Variants in ELSPBP1 observed in about 807,000 individuals in gnomAD.
ELSPBP1 encodes the protein epididymal sperm binding protein 1, also known as epididymal sperm-binding protein 1.
In ELSPBP1, 38 loss-of-function variants were observed where a neutral mutation model predicts 33.3. The ratio of observed to expected loss-of-function variants is 1.14; its 90% CI spans 0.88 to 1.50. The LOEUF (loss-of-function observed/expected upper bound fraction) is 1.50. ELSPBP1 is among the 40% of genes most tolerant of loss of function. The pLI, the probability that ELSPBP1 is intolerant of heterozygous loss-of-function variation, is 0.00. For missense variants in ELSPBP1, 267 were observed against 263.5 expected, an observed-to-expected ratio of 1.01 and a Z score of -0.09; for synonymous variants, 85 against 94.1, an observed-to-expected ratio of 0.90 and a Z score of 0.56.
rs117402224 is a variant in ELSPBP1, at chr19:48,023,529, G to A, written c.*7+1195G>A. 3.0e-4 allele frequency among the ~76,000 whole-genome samples: 32 copies of A among 106,890 alleles called. 1 individual carries two copies. The highest frequency in any genetic ancestry group is 6.4e-4 in the African/African-American group (19 of 29,684). The allele number at this position is 106,890 out of a possible 152,430, so 70.1% of individuals were successfully genotyped here. A position where few individuals can be genotyped will look rare whatever the true frequency, so the allele number is the denominator to read the frequency against. On this transcript the variant is annotated intron_variant, in intron 6 of 6. Transcript: ENST00000339841. Reference sequence around the variant, plus strand: ...AGAGGAAGGAAATAAGGAAGGAAGGGAGGAAGGAAAGAAGGAAGAAAAGGG... The same window carrying A: ...AGAGGAAGGAAATAAGGAAGGAAGGAAGGAAGGAAAGAAGGAAGAAAAGGG...
chr19:48,007,918 G>A (rs532687543), intron 1 of ELSPBP1, among the ~76,000 whole-genome samples: 1 of 152,274 alleles, frequency 6.6e-6, no homozygotes, highest in African/African-American at 2.4e-5. Flanking sequence ...TGAACATCGA[G>A]CCTGGAGTAC....
At chr19:47,998,612 C>T (rs1966935261) in intron 1 of ELSPBP1, among the ~76,000 whole-genome samples, 1 of 151,808 alleles carries the variant, frequency 6.6e-6, no homozygotes, top group Admixed American at 6.6e-5. Context: ...CAGTGAAACC[C>T]CGTCTTTACT....
In ELSPBP1 at chr19:47,995,964, G is replaced by A. The variant is rs533357600; in HGVS notation, c.-18+1153G>A. Among the ~76,000 whole-genome samples, 40 of 152,264 alleles carry A rather than the reference G, an allele frequency of 2.6e-4. No homozygotes were observed. The South Asian group carries it at 8.3e-3, about 32-fold the overall frequency. ...GGCTGTGGGCTAAGCTGCCTCTTGG[G>A]CACCCTATCAGGGCCTTAATACTAC... On this transcript the variant is annotated intron_variant, in intron 1 of 6. Transcript: ENST00000339841.
At chr19:48,005,516 G>A (rs1465664204) in intron 1 of ELSPBP1, among the ~76,000 whole-genome samples, 1 of 152,128 alleles carries the variant, frequency 6.6e-6, no homozygotes, top group Non-Finnish European at 1.5e-5. Flanking sequence ...AGTAACATGG[G>A]GGAAGGATAG....
At chr19:48,007,992 G>A (rs1410854427) in intron 1 of ELSPBP1, among the ~76,000 whole-genome samples, 1 of 152,142 alleles carries the variant, frequency 6.6e-6, no homozygotes, top group Admixed American at 6.5e-5. Context: ...GACAGTACAT[G>A]ACAGTAGAGT....
chr19:48,015,681 G>A (rs1309678418), intron 3 of ELSPBP1, among the ~76,000 whole-genome samples: 1 of 152,056 alleles, frequency 6.6e-6, no homozygotes, highest in Non-Finnish European at 1.5e-5. Context: ...GAAAAGAAAA[G>A]AAACTCACAT....
chr19:48,001,377 T>A (rs1297059213), intron 1 of ELSPBP1, among the ~76,000 whole-genome samples: 2 of 151,218 alleles, frequency 1.3e-5, no homozygotes, highest in Non-Finnish European at 2.9e-5. Flanking sequence ...GAGACGTGGT[T>A]TCACCATGTT....
At chr19:48,008,437 G>A (rs955325821) in intron 1 of ELSPBP1, among the ~76,000 whole-genome samples, 1 of 152,126 alleles carries the variant, frequency 6.6e-6, no homozygotes, top group African/African-American at 2.4e-5. Context: ...GTCTCACTAT[G>A]TTGTCCAGGC....
chr19:48,023,490 G>T (rs144499538), intron 6 of ELSPBP1, among the ~76,000 whole-genome samples: 2 of 89,932 alleles, frequency 2.2e-5, no homozygotes, highest in African/African-American at 3.9e-5. Context: ...AGGGAAGGGA[G>T]GGAGGGAAGG....
chr19:48,014,433 GA>G, intron 3 of ELSPBP1, 125 bp downstream of exon 3: 1 of 1,001,388 alleles, frequency 1.0e-6, no homozygotes, highest in Non-Finnish European at 1.4e-6. Context: ...TGCGTGCGTA[GA>G]AAAGGCTCTG....
chr19:47,999,735 C>T (rs1430201226), intron 1 of ELSPBP1, among the ~76,000 whole-genome samples: 3 of 151,762 alleles, frequency 2.0e-5, no homozygotes, highest in African/African-American at 7.3e-5. Context: ...AAAATATTAG[C>T]CTCATGCAAG....
chr19:47,996,143 G>A (rs1966910054), intron 1 of ELSPBP1, among the ~76,000 whole-genome samples: 1 of 152,196 alleles, frequency 6.6e-6, no homozygotes, highest in African/African-American at 2.4e-5. Flanking sequence ...CTCATTGGAT[G>A]GGTGGTGGAT....
intron 1 of ELSPBP1, among the ~76,000 whole-genome samples, chr19:48,008,378 A>C (rs1211914484): frequency 3.9e-5 from 6 of 152,116 alleles, no homozygotes; most frequent in Admixed American, 6.5e-5. Flanking sequence ...GACCACAGGC[A>C]TACACCACCA....
intron 1 of ELSPBP1, among the ~76,000 whole-genome samples, chr19:48,001,233 C>G (rs1358804185): frequency 2.0e-5 from 3 of 150,662 alleles, no homozygotes; most frequent in Admixed American, 1.3e-4. Flanking sequence ...TGTGGTGGTG[C>G]AATCTTGGCT....
rs1368787021 is a variant in ELSPBP1, at chr19:48,022,284, CT to C, written c.631del (p.Ser211LeufsTer30). On this transcript the variant is annotated frameshift_variant, in exon 6 of 7. Transcript: ENST00000339841. LOFTEE classifies it high-confidence loss of function. ...GSKENLVWCA[T>X]SYNYDQDHTW... Reference sequence around the variant, plus strand: ...AAGGAGAACCTTGTGTGGTGTGCAACTTCTTACAACTACGACCAAGACCACA... The same window carrying C: ...AAGGAGAACCTTGTGTGGTGTGCAACTCTTACAACTACGACCAAGACCACA... The C allele has an allele frequency of 6.2e-7, 1 of 1,613,486 alleles. No individual in the cohort carries two copies. The highest frequency in any genetic ancestry group is 2.2e-5 in the East Asian group (1 of 44,868).
chr19:48,017,962 T>A (rs1967160857), intron 4 of ELSPBP1, among the ~76,000 whole-genome samples: 1 of 147,764 alleles, frequency 6.8e-6, no homozygotes, highest in Non-Finnish European at 1.5e-5. Context: ...ATAACCTTAA[T>A]ATCTAAGCTC....
chr19:48,007,937 T>C (rs1378212117), intron 1 of ELSPBP1, among the ~76,000 whole-genome samples: 1 of 152,144 alleles, frequency 6.6e-6, no homozygotes, highest in Non-Finnish European at 1.5e-5. Flanking sequence ...ACAGTAAGTG[T>C]TCAACAAGTG....
intron 1 of ELSPBP1, among the ~76,000 whole-genome samples, chr19:48,004,924 C>T (rs114743677): frequency 0.017 from 2,551 of 152,344 alleles, 61 homozygotes; most frequent in African/African-American, 0.057. Flanking sequence ...CCATACTGGG[C>T]ACAGTGGCTC....
chr19:48,024,743 G>T (rs1967252298), intron 6 of ELSPBP1, among the ~76,000 whole-genome samples: 5 of 152,170 alleles, frequency 3.3e-5, no homozygotes. Flanking sequence ...CCTTAGCATA[G>T]AGGTGAGATT....
Sources: allele counts gnomAD v4.1 joint callset (sites outside exome capture counted in the v4.1 genomes callset), GRCh38; gene constraint gnomAD v4.1.1; transcripts MANE v1.5; gene names NCBI Gene and HGNC (gene_info 2026-07-23, HGNC 2026-07-21).